OR6C70: variants seen among roughly 807,000 people sequenced by gnomAD.
OR6C70 encodes the protein olfactory receptor 6C70.
For missense variants in OR6C70, 437 were observed against 357.5 expected, an observed-to-expected ratio of 1.22 and a Z score of -1.79; for synonymous variants, 157 against 130.8, an observed-to-expected ratio of 1.20 and a Z score of -1.36.
rs991405234 is a variant in OR6C70 at position 55,469,246 on chromosome 12, G to C, written c.893C>G (p.Ala298Gly). Residue 298 changes from alanine to glycine, a missense_variant, in exon 1 of 1, where the codon GCC (alanine) becomes GGC (glycine). By Grantham distance (60) the Ala-to-Gly change is moderately conservative (BLOSUM62 0). Coordinates refer to ENST00000327335, the MANE Select transcript of OR6C70 (RefSeq NM_001005499.1). ...YTLRNQQVKQ[A>G]FKAVFRKIFS... The stretch of plus-strand genomic sequence containing the variant: ...TATCTTTCTAAATACAGCTTTGAAG[G>C]CTTGTTTAACTTGCTGATTCCTCAG... The C allele has an allele frequency of 1.1e-5, 17 of 1,612,396 alleles. No individual in the cohort carries two copies. The highest frequency in any genetic ancestry group is 2.2e-5 in the East Asian group (1 of 44,842).
At position 55,469,771 on chromosome 12, in the gene OR6C70, G is replaced by A. The variant is rs778492931; in HGVS notation, c.368C>T (p.Ala123Val). ...LAALSYDRYVAICKPLRYMSI... is the reference protein window; with the variant it reads ...LAALSYDRYVVICKPLRYMSI... ...CATATAACGCAAAGGTTTGCAGATGGCAACATAGCGATCATAGGACAGAGC... is the reference window on the plus strand; with the variant it reads ...CATATAACGCAAAGGTTTGCAGATGACAACATAGCGATCATAGGACAGAGC... Residue 123 changes from alanine (A) to valine (V), a missense_variant, in exon 1 of 1, where the codon GCC becomes GTC. Ala to Val is a moderately conservative substitution (Grantham distance 64). Transcript: ENST00000327335. The A allele has an allele frequency of 2.2e-5, 35 of 1,613,896 alleles. No individual in the cohort carries two copies. Among genetic ancestry groups the A allele is most frequent in the South Asian group, 4.4e-5 (4 of 91,074 alleles).
At position 55,469,957 on chromosome 12, in the gene OR6C70, A is replaced by G. The variant is rs1261871753; in HGVS notation, c.182T>C (p.Leu61Pro). 4.3e-6 allele frequency: 7 copies of G among 1,613,800 alleles called. No individual in the cohort carries two copies. Among genetic ancestry groups the G allele is most frequent in the African/African-American group, 1.3e-5 (1 of 74,904 alleles). The change falls in exon 1 of 1, where the codon CTC (leucine) becomes CCC (proline). Residue 61 changes from leucine (L) to proline (P), a missense_variant. Transcript: ENST00000327335. Reference protein sequence around the residue: ...SQLKTPMYFFLRNFSFLEISF... With the variant: ...SQLKTPMYFFPRNFSFLEISF... Reference sequence around the variant, plus strand: ...AATTTCCAGAAAAGAGAAATTACGGAGGAAGAAATACATTGGAGTCTTGAG... The same window carrying G: ...AATTTCCAGAAAAGAGAAATTACGGGGGAAGAAATACATTGGAGTCTTGAG...
In OR6C70 at chr12:55,469,529, T is replaced by C; in HGVS notation, c.610A>G (p.Thr204Ala). ...ACTAAAAACAATGTGACAATAAGTG[T>C]CATCACAGCTAATAAAAAGGCAATC... ...ELIAFLLAVM[T>A]LIVTLFLVIL... Residue 204 changes from threonine to alanine, a missense_variant, in exon 1 of 1, where the codon ACA (threonine) becomes GCA (alanine). Coordinates refer to ENST00000327335, the MANE Select transcript of OR6C70 (RefSeq NM_001005499.1). The C allele has an allele frequency of 2.5e-6, 4 of 1,613,762 alleles. No individual in the cohort carries two copies. The highest frequency in any genetic ancestry group is 3.4e-6 in the Non-Finnish European group (4 of 1,179,692).
rs772501966 is a variant in OR6C70 at position 55,469,680 on chromosome 12, G to A, written c.459C>T (p.Ile153=). Reference sequence around the variant, plus strand: ...GACCTAAAATCAGTGGAGTGAAAATGATCAGGAATCCAGTTACCCAAGAAC... The same window carrying A: ...GACCTAAAATCAGTGGAGTGAAAATAATCAGGAATCCAGTTACCCAAGAAC... ...VFSSWVTGFL[I]IFTPLILGLN... The change falls in exon 1 of 1, where the codon ATC becomes ATT. Residue 153 remains isoleucine, a synonymous_variant. Coordinates refer to ENST00000327335, the MANE Select transcript of OR6C70 (RefSeq NM_001005499.1). 3 of 1,613,844 alleles carry A rather than the reference G, an allele frequency of 1.9e-6. No homozygotes were observed. In the East Asian group the frequency reaches 6.7e-5, roughly 36 times the overall value.
At position 55,469,781 on chromosome 12, in the gene OR6C70, G is replaced by A. The variant is rs775534800; in HGVS notation, c.358C>T (p.Arg120Cys). ...AAAGGTTTGCAGATGGCAACATAGC[G>A]ATCATAGGACAGAGCAGCTAGAAGG... ...FFLLAALSYDRYVAICKPLRY... is the reference protein window; with the variant it reads ...FFLLAALSYDCYVAICKPLRY... The change falls in exon 1 of 1, where the codon CGC (arginine) becomes TGC (cysteine). Residue 120 changes from arginine to cysteine, a missense_variant. By Grantham distance (180) the Arg-to-Cys change is radical. Coordinates refer to ENST00000327335, the MANE Select transcript of OR6C70 (RefSeq NM_001005499.1). 18 of 1,613,880 alleles carry A rather than the reference G, an allele frequency of 1.1e-5. No individual in the cohort carries two copies. Among genetic ancestry groups the A allele is most frequent in the South Asian group, 2.2e-5 (2 of 91,064 alleles).
chr12:55,469,991 C>A lies in OR6C70; in HGVS notation c.148G>T (p.Asp50Tyr), dbSNP rs764997542. The change falls in exon 1 of 1, where the codon GAT becomes TAT. Residue 50 changes from aspartate to tyrosine, a missense_variant. Coordinates refer to ENST00000327335, the MANE Select transcript of OR6C70 (RefSeq NM_001005499.1). ...TACATTGGAGTCTTGAGCTGGGAAT[C>A]CAGCAGAATGAGGGCAATGATAGTG... ...NFTIIALILL[D>Y]SQLKTPMYFF... The A allele has an allele frequency of 1.2e-6, 2 of 1,613,916 alleles. No homozygotes were observed. Among genetic ancestry groups the A allele is most frequent in the Non-Finnish European group, 1.7e-6 (2 of 1,179,966 alleles).
Position 55,470,002 on chromosome 12 carries a change from AG to A in OR6C70, c.136del (p.Leu46SerfsTer35). 1 of 1,614,088 alleles carries A rather than the reference AG, an allele frequency of 6.2e-7. No individual in the cohort carries two copies. Among genetic ancestry groups the A allele is most frequent in the East Asian group, 2.2e-5 (1 of 44,874 alleles). On this transcript the variant is annotated frameshift_variant, in exon 1 of 1. Coordinates refer to ENST00000327335, the MANE Select transcript of OR6C70 (RefSeq NM_001005499.1). LOFTEE classifies it low-confidence loss of function (END_TRUNC). ...CTTGAGCTGGGAATCCAGCAGAATGAGGGCAATGATAGTGAAGTTCCCTATC... is the reference window on the plus strand; with the variant it reads ...CTTGAGCTGGGAATCCAGCAGAATGAGGCAATGATAGTGAAGTTCCCTATC... ...SMIGNFTIIA[L>X]ILLDSQLKTP...
Position 55,469,513 on chromosome 12 carries a change from A to C in OR6C70, c.626T>G (p.Leu209Trp). ...AGAGTAAGAAAGGATTACTAAAAAC[A>C]ATGTGACAATAAGTGTCATCACAGC... is the stretch of plus-strand genomic sequence containing the variant. Reference protein sequence around the residue: ...LLAVMTLIVTLFLVILSYSYI... With the variant: ...LLAVMTLIVTWFLVILSYSYI... The change falls in exon 1 of 1, where the codon TTG becomes TGG. Residue 209 changes from leucine (L) to tryptophan (W), a missense_variant. Transcript: ENST00000327335. The C allele has an allele frequency of 6.2e-7, 1 of 1,613,992 alleles. No individual in the cohort carries two copies. The highest frequency in any genetic ancestry group is 8.5e-7 in the Non-Finnish European group (1 of 1,179,872).
In OR6C70 at chr12:55,469,860, A is replaced by G. The variant is rs1871908314; in HGVS notation, c.279T>C (p.Asn93=). The part of the protein sequence containing the change: ...IVTREKTISC[N]GCISQLFFYI... ...AAAAAAACAACTGAGATATGCAACC[A>G]TTACAGGAAATGGTCTTTTCCCTGG... Residue 93 remains asparagine, a synonymous_variant, in exon 1 of 1, where the codon AAT becomes AAC. Coordinates refer to ENST00000327335, the MANE Select transcript of OR6C70 (RefSeq NM_001005499.1). The G allele has an allele frequency of 6.2e-7, 1 of 1,614,138 alleles. No individual in the cohort carries two copies. The highest frequency in any genetic ancestry group is 8.5e-7 in the Non-Finnish European group (1 of 1,180,014).
At position 55,469,544 on chromosome 12, in the gene OR6C70, A is replaced by AT. The variant is rs774979853; in HGVS notation, c.594_595insA (p.Leu199IlefsTer54). 11 of 1,613,718 alleles carry AT rather than the reference A, an allele frequency of 6.8e-6. No homozygotes were observed. Among genetic ancestry groups the AT allele is most frequent in the Non-Finnish European group, 8.5e-6 (10 of 1,179,620 alleles). On this transcript the variant is annotated frameshift_variant, in exon 1 of 1. Transcript: ENST00000327335. LOFTEE classifies it low-confidence loss of function (END_TRUNC). ...ACAATAAGTGTCATCACAGCTAATA[A>AT]AAAGGCAATCAGTTCCAGTAAATGT...
At position 55,469,879 on chromosome 12, in the gene OR6C70, T is replaced by C. The variant is rs2120718072; in HGVS notation, c.260A>G (p.Glu87Gly). 6.2e-7 allele frequency: 1 copy of C among 1,614,108 alleles called. No individual in the cohort carries two copies. The highest frequency in any genetic ancestry group is 1.1e-5 in the South Asian group (1 of 91,072). Residue 87 changes from glutamate (E) to glycine (G), a missense_variant, in exon 1 of 1, where the codon GAA becomes GGA. Physicochemically the swap from Glu to Gly is moderately conservative, Grantham distance 98. Coordinates refer to ENST00000327335, the MANE Select transcript of OR6C70 (RefSeq NM_001005499.1). ...PRFLITIVTR[E>G]KTISCNGCIS... is the part of the protein sequence containing the mutation. ...GCAACCATTACAGGAAATGGTCTTT[T>C]CCCTGGTAACAATGGTGATTAGGAA...
Position 55,469,735 on chromosome 12 carries a change from C to T in OR6C70, c.404G>A (p.Ser135Asn), listed in dbSNP as rs1871903163. 1 of 1,613,906 alleles carries T rather than the reference C, an allele frequency of 6.2e-7. No homozygotes were observed. The highest frequency in any genetic ancestry group is 8.5e-7 in the Non-Finnish European group (1 of 1,179,962). Residue 135 changes from serine (S) to asparagine (N), a missense_variant, in exon 1 of 1, where the codon AGT becomes AAT. Ser to Asn is a conservative substitution (Grantham distance 46). Coordinates refer to ENST00000327335, the MANE Select transcript of OR6C70 (RefSeq NM_001005499.1). ...CKPLRYMSIM[S>N]NKVCYQLVFS... ...TACAAGCTGGTAGCAAACTTTGTTA[C>T]TCATGATGGACATATAACGCAAAGG...
chr12:55,469,799 C>A lies in OR6C70; in HGVS notation c.340G>T (p.Ala114Ser), dbSNP rs148047600. Reference protein sequence around the residue: ...FLGVTEFFLLAALSYDRYVAI... With the variant: ...FLGVTEFFLLSALSYDRYVAI... ...ACATAGCGATCATAGGACAGAGCAG[C>A]TAGAAGGAAAAATTCTGTAACCCCC... The change falls in exon 1 of 1, where the codon GCT becomes TCT. Residue 114 changes from alanine (A) to serine (S), a missense_variant. Physicochemically the swap from Ala to Ser is moderately conservative, Grantham distance 99 (BLOSUM62 1). Coordinates refer to ENST00000327335, the MANE Select transcript of OR6C70 (RefSeq NM_001005499.1). The A allele has an allele frequency of 7.8e-4, 1,257 of 1,613,902 alleles. 20 individuals are homozygous for A. In the East Asian group the frequency reaches 0.024, roughly 31 times the overall value.
Position 55,469,929 on chromosome 12 carries a change from T to G in OR6C70, c.210A>C (p.Ser70=), listed in dbSNP as rs1419275697. 3 of 1,613,782 alleles carry G rather than the reference T, an allele frequency of 1.9e-6. No homozygotes were observed. Among genetic ancestry groups the G allele is most frequent in the African/African-American group, 2.7e-5 (2 of 75,016 alleles). Reference sequence around the variant, plus strand: ...ATCTGGGAATGCAAGCAGTTGTGAATGAAATTTCCAGAAAAGAGAAATTAC... The same window carrying G: ...ATCTGGGAATGCAAGCAGTTGTGAAGGAAATTTCCAGAAAAGAGAAATTAC... The part of the protein sequence containing the change: ...FLRNFSFLEI[S]FTTACIPRFL... Residue 70 remains serine, a synonymous_variant, in exon 1 of 1, where the codon TCA becomes TCC. Coordinates refer to ENST00000327335, the MANE Select transcript of OR6C70 (RefSeq NM_001005499.1).
chr12:55,469,456 G>A lies in OR6C70; in HGVS notation c.683C>T (p.Ser228Leu), dbSNP rs1451657042. The part of the protein sequence containing the change: ...YIIKTILKFP[S>L]AQQKKKAFST... ...AAAGGCTTTCTTCTTTTGCTGAGCTGAAGGGAATTTCAGAATTGTCTTGAT... is the reference window on the plus strand; with the variant it reads ...AAAGGCTTTCTTCTTTTGCTGAGCTAAAGGGAATTTCAGAATTGTCTTGAT... Residue 228 changes from serine (S) to leucine (L), a missense_variant, in exon 1 of 1, where the codon TCA becomes TTA. Coordinates refer to ENST00000327335, the MANE Select transcript of OR6C70 (RefSeq NM_001005499.1). 3 of 1,613,776 alleles carry A rather than the reference G, an allele frequency of 1.9e-6. No homozygotes were observed. Among genetic ancestry groups the A allele is most frequent in the African/African-American group, 2.7e-5 (2 of 74,946 alleles).
At position 55,469,941 on chromosome 12, in the gene OR6C70, A is replaced by G; in HGVS notation, c.198T>C (p.Phe66=). The G allele has an allele frequency of 1.2e-6, 2 of 1,613,792 alleles. No homozygotes were observed. Among genetic ancestry groups the G allele is most frequent in the Non-Finnish European group, 1.7e-6 (2 of 1,179,834 alleles). Reference sequence around the variant, plus strand: ...AAGCAGTTGTGAATGAAATTTCCAGAAAAGAGAAATTACGGAGGAAGAAAT... The same window carrying G: ...AAGCAGTTGTGAATGAAATTTCCAGGAAAGAGAAATTACGGAGGAAGAAAT... The part of the protein sequence containing the change: ...PMYFFLRNFS[F]LEISFTTACI... The change falls in exon 1 of 1, where the codon TTT becomes TTC. Residue 66 remains phenylalanine (F), a synonymous_variant. Coordinates refer to ENST00000327335, the MANE Select transcript of OR6C70 (RefSeq NM_001005499.1).
At position 55,469,761 on chromosome 12, in the gene OR6C70, T is replaced by A. The variant is rs1014930607; in HGVS notation, c.378A>T (p.Lys126Asn). Residue 126 changes from lysine to asparagine, a missense_variant, in exon 1 of 1, where the codon AAA (lysine) becomes AAT (asparagine). Coordinates refer to ENST00000327335, the MANE Select transcript of OR6C70 (RefSeq NM_001005499.1). ...TCATGATGGACATATAACGCAAAGG[T>A]TTGCAGATGGCAACATAGCGATCAT... The part of the protein sequence containing the change: ...LSYDRYVAIC[K>N]PLRYMSIMSN... 5 of 1,613,914 alleles carry A rather than the reference T, an allele frequency of 3.1e-6. No homozygotes were observed. The African/African-American group carries it at 6.7e-5, about 22-fold the overall frequency.
Position 55,469,926 on chromosome 12 carries a change from G to A in OR6C70, c.213C>T (p.Phe71=), listed in dbSNP as rs1326928312. ...GGAATCTGGGAATGCAAGCAGTTGT[G>A]AATGAAATTTCCAGAAAAGAGAAAT... ...LRNFSFLEIS[F]TTACIPRFLI... Residue 71 remains phenylalanine (F), a synonymous_variant, in exon 1 of 1, where the codon TTC becomes TTT. Transcript: ENST00000327335. 6.2e-7 allele frequency: 1 copy of A among 1,613,668 alleles called. No individual in the cohort carries two copies. The highest frequency in any genetic ancestry group is 1.1e-5 in the South Asian group (1 of 91,046).
Position 55,469,702 on chromosome 12 carries a change from G to T in OR6C70, c.437C>A (p.Ser146Tyr). 2 of 1,613,936 alleles carry T rather than the reference G, an allele frequency of 1.2e-6. No homozygotes were observed. The highest frequency in any genetic ancestry group is 1.1e-5 in the South Asian group (1 of 91,060). The change falls in exon 1 of 1, where the codon TCT (serine) becomes TAT (tyrosine). Residue 146 changes from serine (S) to tyrosine (Y), a missense_variant. By Grantham distance (144) the Ser-to-Tyr change is moderately radical. Transcript: ENST00000327335. ...AATGATCAGGAATCCAGTTACCCAA[G>T]AACTGAATACAAGCTGGTAGCAAAC... Reference protein sequence around the residue: ...NKVCYQLVFSSWVTGFLIIFT... With the variant: ...NKVCYQLVFSYWVTGFLIIFT...
Sources: gnomAD v4.1 joint callset for allele counts on GRCh38, gnomAD v4.1.1 for gene constraint, MANE v1.5 for transcripts, NCBI Gene and HGNC (gene_info 2026-07-23, HGNC 2026-07-21) for gene names.